Variants in AXIN1 observed in about 807,000 individuals in gnomAD.
AXIN1 encodes axin-1.
In AXIN1, 30 loss-of-function variants were observed where a neutral mutation model predicts 76.4. That is an observed-to-expected ratio of 0.39 (90% confidence interval 0.29 to 0.53). The LOEUF (loss-of-function observed/expected upper bound fraction) is 0.53. Ranked by LOEUF, AXIN1 falls within the 20% of genes least tolerant of loss-of-function variation. AXIN1 has a pLI of 0.66. For missense variants in AXIN1, 1,140 were observed against 1,198.8 expected (o/e 0.95, Z 0.72); for synonymous variants, 545 against 501.4 (o/e 1.09, Z -1.16).
At chr16:338,396 C>T (rs1325436057) in intron 2 of AXIN1, among the ~76,000 whole-genome samples, 1 of 152,252 alleles carries the variant, frequency 6.6e-6, no homozygotes, top group Non-Finnish European at 1.5e-5. Context: ...CTCATCGGCA[C>T]GTCTGCCACT....
At chr16:310,144 GCCCCGACCGC>G (rs2053137450) in intron 3 of AXIN1, 75 bp from the exon 4 acceptor site, 1 of 1,373,716 alleles carries the variant, frequency 7.3e-7, no homozygotes, top group African/African-American at 1.4e-5. Flanking sequence ...AGAGCTCCTG[GCCCCGACCGC>G]CGGTCAGCAG....
At chr16:292,730 T>C (rs777153694) in intron 8 of AXIN1, 2 of 152,278 alleles carry the variant, frequency 1.3e-5, no homozygotes, top group South Asian at 2.1e-4. Context: ...ACTGGCCTTA[T>C]GAGCAAGCTG....
chr16:323,433 C>A (rs1487095166), intron 2 of AXIN1, among the ~76,000 whole-genome samples: 2 of 112,380 alleles, frequency 1.8e-5, no homozygotes, highest in Admixed American at 9.6e-5. Context: ...AGCGAGACTC[C>A]GTCTCAAAAA....
intron 2 of AXIN1, among the ~76,000 whole-genome samples, chr16:327,212 T>G (rs2053603395): frequency 6.6e-6 from 1 of 151,996 alleles, no homozygotes; most frequent in Non-Finnish European, 1.5e-5. Context: ...GTGGGTGTTC[T>G]GCATGGCGGC....
intron 2 of AXIN1, among the ~76,000 whole-genome samples, chr16:337,973 A>G (rs1286534187): frequency 6.6e-6 from 1 of 152,210 alleles, no homozygotes; most frequent in African/African-American, 2.4e-5. Flanking sequence ...GGGTTCTGAG[A>G]GAACCCTGAG....
At position 298,233 on chromosome 16, in the gene AXIN1, C is replaced by G. The variant is rs116350678; in HGVS notation, c.1273G>C (p.Gly425Arg). Reference protein sequence around the residue: ...RVRMEEEGEDGDPSSGPPGPC... With the variant: ...RVRMEEEGEDRDPSSGPPGPC... Reference sequence around the variant, plus strand: ...CCTGGGGGCCCTGACGATGGATCGCCGTCCTCACCTTCCTCCTCCTGTGTG... The same window carrying G: ...CCTGGGGGCCCTGACGATGGATCGCGGTCCTCACCTTCCTCCTCCTGTGTG... Residue 425 changes from glycine to arginine, a missense_variant, in exon 6 of 11, where the codon GGC (glycine) becomes CGC (arginine). Gly to Arg is a moderately radical substitution (Grantham distance 125). Coordinates refer to ENST00000262320, the MANE Select transcript of AXIN1 (RefSeq NM_003502.4). 1 of 1,539,674 alleles carries G rather than the reference C, an allele frequency of 6.5e-7. No homozygotes were observed. The highest frequency in any genetic ancestry group is 8.7e-7 in the Non-Finnish European group (1 of 1,147,096).
At chr16:317,537 A>G (rs2053331871) in intron 2 of AXIN1, among the ~76,000 whole-genome samples, 2 of 152,204 alleles carry the variant, frequency 1.3e-5, no homozygotes, top group Admixed American at 1.3e-4. Flanking sequence ...GGCCACAGAC[A>G]GTCACGGCCA....
At position 293,591 on chromosome 16, in the gene AXIN1, T is replaced by C; in HGVS notation, c.2083A>G (p.Met695Val). Reference protein sequence around the residue: ...PSHLFIQDPTMPPHPAPNPLT... With the variant: ...PSHLFIQDPTVPPHPAPNPLT... ...GGGTTGGGAGCTGGGTGGGGTGGCA[T>C]GGTGGGGTCTTGGATGAAGAGGTGG... Residue 695 changes from methionine to valine, a missense_variant, in exon 8 of 11, where the codon ATG becomes GTG. Met to Val is a conservative substitution (Grantham distance 21, BLOSUM62 1). This residue lies in a region of AXIN1 where 429 missense variants were observed against 405.8 expected (regional missense o/e 1.06). Coordinates refer to ENST00000262320, the MANE Select transcript of AXIN1 (RefSeq NM_003502.4). The surrounding 1 kb of genome is among the most constrained non-coding windows in gnomAD (Gnocchi z 4.6). The C allele has an allele frequency of 6.2e-7, 1 of 1,612,618 alleles. No homozygotes were observed. Among genetic ancestry groups the C allele is most frequent in the Non-Finnish European group, 8.5e-7 (1 of 1,179,826 alleles).
At chr16:304,215 G>C (rs983024027) in intron 5 of AXIN1, 89 bp downstream of exon 5, 6 of 1,592,438 alleles carry the variant, frequency 3.8e-6, no homozygotes, top group South Asian at 1.1e-5. Context: ...CCAGCCCCGG[G>C]CATCCCCATG....
At chr16:308,597 C>T (rs576437480) in intron 4 of AXIN1, among the ~76,000 whole-genome samples, 8 of 152,348 alleles carry the variant, frequency 5.3e-5, no homozygotes, top group Non-Finnish European at 1.0e-4. Flanking sequence ...CCAGCGGCTC[C>T]GCGGGTTCTT....
At chr16:318,682 T>C (rs904672765) in intron 2 of AXIN1, among the ~76,000 whole-genome samples, 1 of 152,218 alleles carries the variant, frequency 6.6e-6, no homozygotes, top group African/African-American at 2.4e-5. Flanking sequence ...CGTGCGCCTA[T>C]GGATGCGTGC....
At chr16:341,229 C>T (rs977485620) in intron 2 of AXIN1, among the ~76,000 whole-genome samples, 1 of 152,274 alleles carries the variant, frequency 6.6e-6, no homozygotes, top group Admixed American at 6.5e-5. Flanking sequence ...TGGCCAAGGC[C>T]GGAGCCGGCT....
At chr16:334,804 G>A (rs1180223722) in intron 2 of AXIN1, among the ~76,000 whole-genome samples, 1 of 151,324 alleles carries the variant, frequency 6.6e-6, no homozygotes, top group Non-Finnish European at 1.5e-5. Context: ...CAATAACACA[G>A]CACCCAGCAC....
chr16:307,685 T>C (rs1309745927), intron 4 of AXIN1, among the ~76,000 whole-genome samples: 1 of 152,204 alleles, frequency 6.6e-6, no homozygotes, highest in Non-Finnish European at 1.5e-5. Context: ...GTTCTGCTCC[T>C]ATGAGCGTCT....
rs752687966 is a variant in AXIN1 at position 329,555 on chromosome 16, C to T, written c.879-14872G>A. 5.5e-4 allele frequency among the ~76,000 whole-genome samples: 83 copies of T among 152,050 alleles called. 1 individual carries two copies. Among genetic ancestry groups the T allele is most frequent in the Non-Finnish European group, 1.6e-4 (11 of 68,020 alleles). On this transcript the variant is annotated intron_variant, in intron 2 of 10. Transcript: ENST00000262320. The stretch of plus-strand genomic sequence containing the variant: ...CCGCCTCCCGGGCTCAAGCAATTCT[C>T]CTGCCTCAGCCTCCCGAGTAGATGG...
In AXIN1 at chr16:297,095, C is replaced by T. The variant is rs2141502531; in HGVS notation, c.1916G>A (p.Gly639Glu). The T allele has an allele frequency of 1.2e-6, 2 of 1,612,728 alleles. No homozygotes were observed. The highest frequency in any genetic ancestry group is 1.7e-6 in the Non-Finnish European group (2 of 1,179,924). ...GCGGTGCCTGCTGATCTCCTTTTCCCCCTCAATGATCCACTGCATGATTTT... is the reference window on the plus strand; with the variant it reads ...GCGGTGCCTGCTGATCTCCTTTTCCTCCTCAATGATCCACTGCATGATTTT... ...NQKIMQWIIE[G>E]EKEISRHRRT... Residue 639 changes from glycine to glutamate, a missense_variant, in exon 7 of 11, where the codon GGG (glycine) becomes GAG (glutamate). Physicochemically the swap from Gly to Glu is moderately conservative, Grantham distance 98 (BLOSUM62 -2). This residue lies in a region of AXIN1 where 429 missense variants were observed against 405.8 expected (regional missense o/e 1.06). Coordinates refer to ENST00000262320, the MANE Select transcript of AXIN1 (RefSeq NM_003502.4).
chr16:290,740 A>G, intron 9 of AXIN1: 1 of 319,678 alleles, frequency 3.1e-6, no homozygotes. Context: ...CACTGACTGC[A>G]CGGGCTGGAC....
At chr16:350,183 G>T (rs1429538929) in intron 1 of AXIN1, among the ~76,000 whole-genome samples, 2 of 152,214 alleles carry the variant, frequency 1.3e-5, no homozygotes, top group Non-Finnish European at 2.9e-5. Flanking sequence ...ACTGACAGAA[G>T]ACTTTTTGGT....
intron 3 of AXIN1, among the ~76,000 whole-genome samples, chr16:314,235 C>T (rs1567281139): frequency 6.6e-6 from 1 of 152,240 alleles, no homozygotes; most frequent in African/African-American, 2.4e-5. Flanking sequence ...TGAGCCCTCA[C>T]TTGTACTGCT....
Sources: gnomAD v4.1 joint callset for allele counts (sites outside exome capture counted in the v4.1 genomes callset) on GRCh38, gnomAD v4.1.1 for gene constraint, gnomAD v4.1.1 regional missense constraint, Gnocchi (gnomAD v3.1) non-coding constraint, MANE v1.5 for transcripts, NCBI Gene and HGNC (gene_info 2026-07-23, HGNC 2026-07-21) for gene names.